Variants in HMGA2 observed in about 807,000 individuals in gnomAD.
HMGA2 encodes the protein high mobility group protein HMGI-C.
HMGA2 carries 8 observed loss-of-function variants against 19.1 expected under a neutral mutation model. The ratio of observed to expected loss-of-function variants is 0.42; its 90% CI spans 0.25 to 0.76. HMGA2 has a LOEUF of 0.76. Among genes scored for constraint, HMGA2 ranks in the 30% least tolerant of loss-of-function variants. HMGA2 has a pLI of 0.28. For synonymous variants in HMGA2, 60 were observed against 48.8 expected (o/e 1.23, Z -0.96); for missense variants, 109 against 136.3 (o/e 0.80, Z 1.00).
chr12:65,915,166 T>C, intron 3 of HMGA2: 1 of 1,612,372 alleles, frequency 6.2e-7, no homozygotes, highest in Non-Finnish European at 8.5e-7. Context: ...GCTCTTCATG[T>C]TATTTTCACC....
intron 3 of HMGA2, among the ~76,000 whole-genome samples, chr12:65,838,982 C>CTT (rs761437964): frequency 2.2e-3 from 223 of 103,094 alleles, no homozygotes; most frequent in South Asian, 3.7e-3. Flanking sequence ...TTTTCTTTTT[C>CTT]TTTCTTTTTC....
At chr12:65,917,922 G>A (rs986579733) in intron 3 of HMGA2, among the ~76,000 whole-genome samples, 1 of 152,226 alleles carries the variant, frequency 6.6e-6, no homozygotes, top group Non-Finnish European at 1.5e-5. Context: ...TGGAGAGAAA[G>A]AAAGCAGGTT....
chr12:65,854,971 T>C (rs891019529), intron 3 of HMGA2, among the ~76,000 whole-genome samples: 14 of 152,228 alleles, frequency 9.2e-5, no homozygotes, highest in Non-Finnish European at 1.8e-4. Context: ...CACAGCTAAC[T>C]GCTTGCCTGA....
intron 3 of HMGA2, among the ~76,000 whole-genome samples, chr12:65,908,100 T>C (rs920045533): frequency 6.6e-6 from 1 of 152,212 alleles, no homozygotes; most frequent in Non-Finnish European, 1.5e-5. Context: ...GACAATCAAG[T>C]GTACCAAGAA....
chr12:65,846,650 A>G (rs182201625), intron 3 of HMGA2, among the ~76,000 whole-genome samples: 5 of 152,262 alleles, frequency 3.3e-5, no homozygotes, highest in African/African-American at 1.2e-4. Context: ...TTGTTCACCT[A>G]TTTGGTTGCT....
chr12:65,877,370 T>C (rs1873100435), intron 3 of HMGA2, among the ~76,000 whole-genome samples: 1 of 152,140 alleles, frequency 6.6e-6, no homozygotes, highest in Non-Finnish European at 1.5e-5. Context: ...TGTTCCTTTT[T>C]GCTAGAATGG....
chr12:65,912,435 A>T (rs1265043163), intron 3 of HMGA2, among the ~76,000 whole-genome samples: 1 of 152,132 alleles, frequency 6.6e-6, no homozygotes, highest in Admixed American at 6.5e-5. Context: ...GCCTCAGCAA[A>T]ATAAAGAACA....
chr12:65,917,149 C>G (rs1011667149), intron 3 of HMGA2, among the ~76,000 whole-genome samples: 6 of 152,000 alleles, frequency 3.9e-5, no homozygotes, highest in African/African-American at 1.4e-4. Flanking sequence ...GGGCTAGGAG[C>G]CCCTGGCTGA....
At chr12:65,852,343 A>G (rs1329375347) in intron 3 of HMGA2, among the ~76,000 whole-genome samples, 1 of 152,048 alleles carries the variant, frequency 6.6e-6, no homozygotes, top group Non-Finnish European at 1.5e-5. Flanking sequence ...CTAAAGAAAA[A>G]AATACAAAAA....
chr12:65,936,666 G>A (rs1437631212), intron 3 of HMGA2, among the ~76,000 whole-genome samples: 2 of 152,034 alleles, frequency 1.3e-5, no homozygotes, highest in African/African-American at 4.8e-5. Flanking sequence ...TGCCATCACC[G>A]CCACCCTCCC....
chr12:65,933,564 G>A (rs2065643394), intron 3 of HMGA2, among the ~76,000 whole-genome samples: 1 of 152,016 alleles, frequency 6.6e-6, no homozygotes, highest in Non-Finnish European at 1.5e-5. Flanking sequence ...CAGTGAATGA[G>A]GTAATTAATG....
rs147806105 is a variant in HMGA2, at chr12:65,931,894, G to A, written c.250-19489G>A. On this transcript the variant is annotated intron_variant, in intron 3 of 4. Coordinates refer to ENST00000403681, the MANE Select transcript of HMGA2 (RefSeq NM_003483.6). Reference sequence around the variant, plus strand: ...CATGCCCCTGCACTCCAGCCTGGGCGATAGAGCAAGACCCTGTCTCTCAAA... The same window carrying A: ...CATGCCCCTGCACTCCAGCCTGGGCAATAGAGCAAGACCCTGTCTCTCAAA... 7.2e-5 allele frequency among the ~76,000 whole-genome samples: 11 copies of A among 152,212 alleles called. No homozygotes were observed. The East Asian group carries it at 1.5e-3, about 21-fold the overall frequency.
intron 2 of HMGA2, among the ~76,000 whole-genome samples, chr12:65,831,262 T>A (rs1391545075): frequency 6.6e-6 from 1 of 151,832 alleles, no homozygotes; most frequent in Non-Finnish European, 1.5e-5. Flanking sequence ...AAAGAAGTTA[T>A]AATCTCCTTT....
At chr12:65,826,446 T>C (rs1408899104) in intron 1 of HMGA2, 1 of 152,250 alleles carries the variant, frequency 6.6e-6, no homozygotes, top group Non-Finnish European at 1.5e-5. Context: ...TCTCGGGCTT[T>C]AAAACTTGCT....
chr12:65,881,129 A>G (rs1022104430), intron 3 of HMGA2: 2 of 152,660 alleles, frequency 1.3e-5, no homozygotes, highest in African/African-American at 4.8e-5. Flanking sequence ...CACCATTTCC[A>G]TGTATTAGAT....
At chr12:65,834,496 T>C (rs1870617094) in intron 2 of HMGA2, among the ~76,000 whole-genome samples, 1 of 151,974 alleles carries the variant, frequency 6.6e-6, no homozygotes, top group African/African-American at 2.4e-5. Context: ...ACACTTTTCC[T>C]TCCTTTCCTC....
intron 3 of HMGA2, chr12:65,915,536 C>T (rs1875067917): frequency 8.6e-7 from 1 of 1,159,018 alleles, no homozygotes; most frequent in Non-Finnish European, 1.1e-6. Flanking sequence ...TATTCACTGT[C>T]TCTGTCTCTT....
intron 3 of HMGA2, among the ~76,000 whole-genome samples, chr12:65,852,819 T>G (rs1302463344): frequency 6.6e-6 from 1 of 152,146 alleles, no homozygotes; most frequent in Admixed American, 6.5e-5. Flanking sequence ...CCACATGATC[T>G]ATGTGGTAAT....
At chr12:65,867,320 A>G (rs1333034320) in intron 3 of HMGA2, among the ~76,000 whole-genome samples, 1 of 152,062 alleles carries the variant, frequency 6.6e-6, no homozygotes, top group East Asian at 1.9e-4. Flanking sequence ...TTGCTTTTGG[A>G]TACAAAGGCA....
Sources: gnomAD v4.1 joint callset for allele counts (sites outside exome capture counted in the v4.1 genomes callset) on GRCh38, gnomAD v4.1.1 for gene constraint, MANE v1.5 for transcripts, NCBI Gene and HGNC (gene_info 2026-07-23, HGNC 2026-07-21) for gene names.